The following FZD3 variants were observed in gnomAD, a reference collection of about 807,000 sequenced individuals.
FZD3 encodes frizzled class receptor 3, also known as frizzled-3.
A neutral mutation model predicts 60.7 loss-of-function variants in FZD3; 30 were observed. The observed-to-expected ratio is 0.49, with a 90% CI of 0.37 to 0.67. The LOEUF is 0.67. Ranked by LOEUF, FZD3 falls within the 30% of genes least tolerant of loss-of-function variation. The probability of loss-of-function intolerance (pLI) is 0.00; values close to 1 mark genes in which losing one functional copy is unlikely to be tolerated. For missense variants in FZD3, 605 were observed against 838.7 expected, an observed-to-expected ratio of 0.72 and a Z score of 3.44; for synonymous variants, 246 against 275.2, an observed-to-expected ratio of 0.89 and a Z score of 1.05.
chr8:28,530,796 T>C (rs1360893538), intron 5 of FZD3, among the ~76,000 whole-genome samples: 2 of 151,842 alleles, frequency 1.3e-5, no homozygotes, highest in African/African-American at 4.8e-5. Context: ...TACGTAGTTA[T>C]AAAAAAATGT....
chr8:28,551,477 T>C (rs1805409764), intron 5 of FZD3, 126 bp from the exon 6 acceptor site: 7 of 687,456 alleles, frequency 1.0e-5, no homozygotes, highest in Non-Finnish European at 1.7e-5. Context: ...GATCACACCA[T>C]TGCACTCCAG....
In FZD3 at chr8:28,539,745, T is replaced by C. The variant is rs920533683; in HGVS notation, c.1404+11581T>C. ...AACCCAATGCAATATGTACTTCTATTAGTAAAGTATAGATTCCTCTTGATA... is the reference window on the plus strand; with the variant it reads ...AACCCAATGCAATATGTACTTCTATCAGTAAAGTATAGATTCCTCTTGATA... On this transcript the variant is annotated intron_variant, in intron 5 of 7. Transcript: ENST00000240093. Among the ~76,000 whole-genome samples, 15 of 152,180 alleles carry C rather than the reference T, an allele frequency of 9.9e-5. 1 individual carries two copies. Among genetic ancestry groups the C allele is most frequent in the Admixed American group, 8.5e-4 (13 of 15,274 alleles).
At chr8:28,552,310 A>G (rs1003376480) in intron 6 of FZD3, among the ~76,000 whole-genome samples, 1 of 152,224 alleles carries the variant, frequency 6.6e-6, no homozygotes, top group Non-Finnish European at 1.5e-5. Context: ...TAGAAAAATG[A>G]TATTAGTAGA....
chr8:28,503,309 A>G, intron 3 of FZD3, 107 bp downstream of exon 3: 1 of 568,372 alleles, frequency 1.8e-6, no homozygotes, highest in Non-Finnish European at 3.0e-6. Context: ...ATAATATGCT[A>G]TTTTAAATTA....
chr8:28,506,107 T>C (rs1432873653), intron 3 of FZD3, among the ~76,000 whole-genome samples: 2 of 152,210 alleles, frequency 1.3e-5, no homozygotes, highest in East Asian at 3.8e-4. Context: ...TGGGAACTGT[T>C]CAGCATGGAG....
chr8:28,510,915 T>G (rs985003764), intron 3 of FZD3, among the ~76,000 whole-genome samples: 1 of 151,384 alleles, frequency 6.6e-6, no homozygotes, highest in Non-Finnish European at 1.5e-5. Context: ...TGGGCACATG[T>G]AATCCCAGCT....
chr8:28,560,174 AAG>A (rs1585195724), intron 7 of FZD3, among the ~76,000 whole-genome samples: 2 of 152,322 alleles, frequency 1.3e-5, no homozygotes, highest in South Asian at 2.1e-4. Flanking sequence ...GACACTCAAA[AAG>A]AGTAAATCAT....
At chr8:28,504,435 A>T (rs1303034289) in intron 3 of FZD3, among the ~76,000 whole-genome samples, 1 of 151,594 alleles carries the variant, frequency 6.6e-6, no homozygotes, top group Non-Finnish European at 1.5e-5. Flanking sequence ...AGAAAATTGA[A>T]CTAGAAACAT....
At chr8:28,532,540 C>A (rs1477821361) in intron 5 of FZD3, among the ~76,000 whole-genome samples, 2 of 151,788 alleles carry the variant, frequency 1.3e-5, no homozygotes, top group Non-Finnish European at 2.9e-5. Flanking sequence ...GATCCTCCTG[C>A]CTCATCCCCC....
At chr8:28,561,627 T>A (rs1421691128) in intron 7 of FZD3, among the ~76,000 whole-genome samples, 14 of 151,972 alleles carry the variant, frequency 9.2e-5, no homozygotes, top group Non-Finnish European at 2.1e-4. Flanking sequence ...CCTGCTATAT[T>A]TTATTTTTAG....
At chr8:28,556,078 C>T (rs1805503189) in intron 7 of FZD3, 107 bp downstream of exon 7, 1 of 735,372 alleles carries the variant, frequency 1.4e-6, no homozygotes, top group South Asian at 1.7e-5. Context: ...ATAATTAAGC[C>T]TTTGAACTTT....
intron 2 of FZD3, among the ~76,000 whole-genome samples, chr8:28,501,090 C>CA (rs1803978135): frequency 6.6e-6 from 1 of 152,158 alleles, no homozygotes; most frequent in South Asian, 2.1e-4. Context: ...CAGATCTCAA[C>CA]ATTTGTGGGG....
chr8:28,510,894 G>A (rs972745805), intron 3 of FZD3, among the ~76,000 whole-genome samples: 5 of 151,300 alleles, frequency 3.3e-5, no homozygotes, highest in Admixed American at 1.3e-4. Flanking sequence ...AAAATTAGCC[G>A]GGCGTGGTGG....
intron 5 of FZD3, among the ~76,000 whole-genome samples, chr8:28,539,112 G>A (rs981971436): frequency 4.6e-5 from 7 of 152,072 alleles, no homozygotes; most frequent in Admixed American, 1.3e-4. Context: ...CCCTACCCCC[G>A]AGCGATGGAC....
chr8:28,541,741 T>C (rs1387959528), intron 5 of FZD3, among the ~76,000 whole-genome samples: 1 of 152,230 alleles, frequency 6.6e-6, no homozygotes, highest in Non-Finnish European at 1.5e-5. Context: ...CAGCTCTGAA[T>C]TTTTCTCAAA....
chr8:28,522,276 A>C (rs1184329821), intron 4 of FZD3, among the ~76,000 whole-genome samples: 3 of 148,744 alleles, frequency 2.0e-5, no homozygotes, highest in African/African-American at 7.4e-5. Context: ...AATGACATTG[A>C]AAAAAAAAAC....
At chr8:28,498,273 T>C (rs1321453656) in intron 1 of FZD3, among the ~76,000 whole-genome samples, 2 of 151,978 alleles carry the variant, frequency 1.3e-5, no homozygotes, top group Non-Finnish European at 2.9e-5. Context: ...GTTAATCTAA[T>C]AGGTCCCCCC....
At chr8:28,509,849 A>C (rs946616224) in intron 3 of FZD3, among the ~76,000 whole-genome samples, 2 of 152,216 alleles carry the variant, frequency 1.3e-5, no homozygotes, top group Non-Finnish European at 2.9e-5. Flanking sequence ...ATCAGTGGAC[A>C]CTTGGGTTGT....
intron 7 of FZD3, among the ~76,000 whole-genome samples, chr8:28,560,980 C>G (rs1030577697): frequency 4.6e-5 from 7 of 152,294 alleles, no homozygotes; most frequent in Admixed American, 3.9e-4. Flanking sequence ...TACCCATTAA[C>G]ATGAGAAATG....
Sources: allele counts gnomAD v4.1 joint callset (sites outside exome capture counted in the v4.1 genomes callset), GRCh38; gene constraint gnomAD v4.1.1; transcripts MANE v1.5; gene names NCBI Gene and HGNC (gene_info 2026-07-23, HGNC 2026-07-21).